MELK: variants seen among roughly 807,000 people sequenced by gnomAD.
MELK encodes the protein pEg3 kinase.
MELK carries 81 observed loss-of-function variants against 85.0 expected under a neutral mutation model. The observed-to-expected ratio is 0.95, with a 90% CI of 0.80 to 1.15. MELK has a LOEUF of 1.15. MELK is among the 50% of genes most tolerant of loss of function. The pLI is 0.00. For synonymous variants in MELK, 252 were observed against 265.0 expected, an observed-to-expected ratio of 0.95 and a Z score of 0.48; for missense variants, 754 against 777.5, an observed-to-expected ratio of 0.97 and a Z score of 0.36.
chr9:36,659,579 A>C (rs1725637305), intron 13 of MELK, among the ~76,000 whole-genome samples: 1 of 152,208 alleles, frequency 6.6e-6, no homozygotes, highest in African/African-American at 2.4e-5. Context: ...TTCTCTGCTC[A>C]ATTAGCATAG....
intron 11 of MELK, among the ~76,000 whole-genome samples, chr9:36,644,209 T>TTGTG (rs55796800): frequency 0.014 from 2,008 of 145,378 alleles, 47 homozygotes; most frequent in African/African-American, 0.046. Context: ...TACCTGTGTT[T>TTGTG]TGTGTGTGTG....
In MELK at chr9:36,630,437, G is replaced by A. The variant is rs1238970966; in HGVS notation, c.735+70G>A. 5 of 1,223,910 alleles carry A rather than the reference G, an allele frequency of 4.1e-6. No individual in the cohort carries two copies. The African/African-American group carries it at 6.0e-5, about 15-fold the overall frequency. 75.8% of individuals were successfully genotyped at this position (1,223,910 alleles called of 1,614,324 possible). On this transcript the variant is annotated intron_variant, in intron 9 of 17. Transcript: ENST00000298048. ...GTTCAACTTTTAAGATATCTGTGGT[G>A]CTACATCATTTCCTATTAGCTTGAA... is the stretch of plus-strand genomic sequence containing the variant.
At chr9:36,637,159 G>A (rs1428941264) in intron 10 of MELK, among the ~76,000 whole-genome samples, 2 of 151,942 alleles carry the variant, frequency 1.3e-5, no homozygotes, top group Non-Finnish European at 2.9e-5. Flanking sequence ...AGAAGAAAGA[G>A]GATAAGCCCT....
chr9:36,669,006 T>C (rs1587628655), intron 14 of MELK, among the ~76,000 whole-genome samples: 1 of 152,200 alleles, frequency 6.6e-6, no homozygotes, highest in East Asian at 1.9e-4. Flanking sequence ...ATTATGAGAT[T>C]TGTATTTATA....
chr9:36,634,991 C>CA (rs1828986273), intron 10 of MELK, among the ~76,000 whole-genome samples: 1 of 152,082 alleles, frequency 6.6e-6, no homozygotes, highest in Non-Finnish European at 1.5e-5. Flanking sequence ...GCTCATAATT[C>CA]AGTCATACAG....
rs779040914 is a variant in MELK at position 36,677,190 on chromosome 9, T to A, written c.1809T>A (p.Asp603Glu). ...CACTGAAGTGTCAAACACAGTCAGATTTTGGGAAAGTGACAATGCAATTTG... is the reference window on the plus strand; with the variant it reads ...CACTGAAGTGTCAAACACAGTCAGAATTTGGGAAAGTGACAATGCAATTTG... ...GYTLKCQTQSDFGKVTMQFEL... is the reference protein window; with the variant it reads ...GYTLKCQTQSEFGKVTMQFEL... The change falls in exon 18 of 18, where the codon GAT (aspartate) becomes GAA (glutamate). Residue 603 changes from aspartate (D) to glutamate (E), a missense_variant. Asp to Glu is a conservative substitution (Grantham distance 45). Transcript: ENST00000298048. 15 of 1,613,914 alleles carry A rather than the reference T, an allele frequency of 9.3e-6. No individual in the cohort carries two copies. In the East Asian group the frequency reaches 3.3e-4, roughly 36 times the overall value.
chr9:36,579,925 A>T (rs988222305), intron 1 of MELK, among the ~76,000 whole-genome samples: 3 of 152,132 alleles, frequency 2.0e-5, no homozygotes. Flanking sequence ...TGTAACCCAC[A>T]TAAGTTGTGA....
At chr9:36,649,637 C>A (rs1830515722) in intron 11 of MELK, among the ~76,000 whole-genome samples, 1 of 152,004 alleles carries the variant, frequency 6.6e-6, no homozygotes, top group African/African-American at 2.4e-5. Flanking sequence ...GGCGTGGTGG[C>A]ATGTGCCTGT....
intron 6 of MELK, among the ~76,000 whole-genome samples, chr9:36,598,776 A>G (rs1824579554): frequency 6.6e-6 from 1 of 152,164 alleles, no homozygotes; most frequent in Non-Finnish European, 1.5e-5. Context: ...GCTTGGATAT[A>G]TGCTGGGCTT....
At chr9:36,670,445 T>A (rs887826321) in intron 15 of MELK, among the ~76,000 whole-genome samples, 7 of 152,202 alleles carry the variant, frequency 4.6e-5, no homozygotes, top group Non-Finnish European at 1.0e-4. Context: ...TCATTGGAGA[T>A]GTATACTGAA....
At chr9:36,658,121 A>G (rs1001986587) in intron 13 of MELK, among the ~76,000 whole-genome samples, 6 of 151,512 alleles carry the variant, frequency 4.0e-5, no homozygotes, top group Non-Finnish European at 1.5e-5. Context: ...TTTCCTTTTG[A>G]TAATCTTTTT....
intron 4 of MELK, 57 bp downstream of exon 4, chr9:36,589,709 G>A: frequency 2.4e-6 from 3 of 1,257,092 alleles, no homozygotes; most frequent in Non-Finnish European, 3.5e-6. Flanking sequence ...AATAGTAAAA[G>A]AGAAAAGTAC....
chr9:36,646,835 C>A (rs115486919), intron 11 of MELK, among the ~76,000 whole-genome samples: 1 of 152,362 alleles, frequency 6.6e-6, no homozygotes, highest in African/African-American at 2.4e-5. Flanking sequence ...CTCCTCAACC[C>A]AGGTGCCAGG....
intron 4 of MELK, among the ~76,000 whole-genome samples, chr9:36,592,686 G>C (rs915002933): frequency 7.9e-5 from 12 of 152,046 alleles, no homozygotes; most frequent in African/African-American, 2.4e-4. Flanking sequence ...AGCACATTCA[G>C]ATATTTTAGA....
chr9:36,618,943 A>G (rs373048735), intron 8 of MELK, among the ~76,000 whole-genome samples: 202 of 151,526 alleles, frequency 1.3e-3, no homozygotes, highest in African/African-American at 4.6e-3. Context: ...GAATGAGTGA[A>G]TGGTCAACTC....
chr9:36,649,627 G>A (rs552240172), intron 11 of MELK, among the ~76,000 whole-genome samples: 1 of 152,216 alleles, frequency 6.6e-6, no homozygotes, highest in South Asian at 2.1e-4. Flanking sequence ...AAATTAGCCA[G>A]GCGTGGTGGC....
At chr9:36,645,055 T>C (rs1013856077) in intron 11 of MELK, among the ~76,000 whole-genome samples, 1 of 151,216 alleles carries the variant, frequency 6.6e-6, no homozygotes, top group South Asian at 2.1e-4. Flanking sequence ...GATCATGAGG[T>C]CAGGAGATTG....
intron 8 of MELK, among the ~76,000 whole-genome samples, chr9:36,607,936 G>A (rs113259167): frequency 0.029 from 4,460 of 152,100 alleles, 223 homozygotes; most frequent in African/African-American, 0.1. Flanking sequence ...GGTCAACTGC[G>A]GTCTGAAAAT....
intron 14 of MELK, among the ~76,000 whole-genome samples, chr9:36,667,217 G>A (rs1832464112): frequency 6.6e-6 from 1 of 150,862 alleles, no homozygotes; most frequent in Non-Finnish European, 1.5e-5. Context: ...GTGCAGTGGT[G>A]CGATCTCGGC....
Sources: allele counts gnomAD v4.1 joint callset (sites outside exome capture counted in the v4.1 genomes callset), GRCh38; gene constraint gnomAD v4.1.1; transcripts MANE v1.5; gene names NCBI Gene and HGNC (gene_info 2026-07-23, HGNC 2026-07-21).